Variants in UNC80 observed in about 807,000 individuals in gnomAD.
The protein encoded by UNC80 is protein unc-80 homolog.
Under a neutral mutation model 384.6 loss-of-function variants are expected in UNC80, and 164 were observed. The ratio of observed to expected loss-of-function variants is 0.43; its 90% CI spans 0.38 to 0.49. The LOEUF (loss-of-function observed/expected upper bound fraction) is 0.49, where lower values mean the gene tolerates loss of function less well. Ranked by LOEUF, UNC80 falls within the 20% of genes least tolerant of loss-of-function variation. The pLI is 0.00. For synonymous variants in UNC80, 1,486 were observed against 1,527.8 expected (o/e 0.97, Z 0.64); for missense variants, 3,330 against 4,143.0 (o/e 0.80, Z 5.39).
chr2:209,830,703 G>A (rs145048004), intron 15 of UNC80, among the ~76,000 whole-genome samples: 3 of 152,120 alleles, frequency 2.0e-5, no homozygotes, highest in African/African-American at 7.2e-5. Flanking sequence ...CCTCTGGCAC[G>A]GGCACAGGAT....
chr2:209,932,103 C>G (rs183545851), intron 38 of UNC80, among the ~76,000 whole-genome samples: 142 of 152,258 alleles, frequency 9.3e-4, no homozygotes, highest in African/African-American at 3.4e-3. Flanking sequence ...GGCACAAACT[C>G]AAGCCCATGG....
chr2:209,891,611 AT>A (rs1052738982), intron 26 of UNC80, among the ~76,000 whole-genome samples: 4 of 152,130 alleles, frequency 2.6e-5, no homozygotes, highest in Non-Finnish European at 4.4e-5. Flanking sequence ...ATTTATGTAA[AT>A]TGGCTTTAAT....
intron 4 of UNC80, among the ~76,000 whole-genome samples, chr2:209,780,179 C>G (rs935663949): frequency 6.6e-5 from 10 of 152,250 alleles, no homozygotes; most frequent in African/African-American, 2.2e-4. Context: ...AGTGACTACT[C>G]AAATAATTCG....
rs1318053245 is a variant in UNC80, at chr2:209,998,647, G to GT, written c.*3052_*3053insT. On this transcript the variant is annotated 3_prime_UTR_variant, in exon 65 of 65. Coordinates refer to ENST00000673920, the MANE Select transcript of UNC80 (RefSeq NM_001371986.1). ...CCAGCTCTGAGAGTATCTGAGATGA[G>GT]AATAGGATGTGTGTGGAGGGGCTTT... 3.3e-5 allele frequency: 5 copies of GT among 152,358 alleles called. No individual in the cohort carries two copies. The highest frequency in any genetic ancestry group is 1.2e-4 in the African/African-American group (5 of 41,568). 9.4% of individuals were successfully genotyped at this position (152,358 alleles called of 1,614,324 possible).
At chr2:209,905,664 A>G (rs2088101780) in intron 29 of UNC80, among the ~76,000 whole-genome samples, 1 of 152,236 alleles carries the variant, frequency 6.6e-6, no homozygotes, top group South Asian at 2.1e-4. Flanking sequence ...GCAACAGGAA[A>G]CTAATACAAC....
At chr2:209,836,088 C>A (rs903809814) in intron 18 of UNC80, among the ~76,000 whole-genome samples, 14 of 151,344 alleles carry the variant, frequency 9.3e-5, no homozygotes, top group African/African-American at 3.4e-4. Context: ...ATCTATATTT[C>A]ATGAATGAAT....
intron 22 of UNC80, among the ~76,000 whole-genome samples, chr2:209,851,653 G>A (rs990909687): frequency 6.6e-6 from 1 of 151,982 alleles, no homozygotes; most frequent in African/African-American, 2.4e-5. Context: ...TTTGTATAGT[G>A]ATTTTTTTTC....
intron 35 of UNC80, among the ~76,000 whole-genome samples, chr2:209,924,319 G>A (rs1160619243): frequency 6.6e-6 from 1 of 152,102 alleles, no homozygotes; most frequent in Admixed American, 6.5e-5. Context: ...TGACTAATTT[G>A]TAAAGTCCAT....
intron 42 of UNC80, 42 bp downstream of exon 42, chr2:209,937,672 T>A (rs1409071007): frequency 1.3e-5 from 18 of 1,429,134 alleles, no homozygotes; most frequent in South Asian, 1.1e-4. Flanking sequence ...TTTGTCATGT[T>A]GTTGGAGTAG....
intron 44 of UNC80, among the ~76,000 whole-genome samples, chr2:209,941,784 T>C (rs553206178): frequency 6.6e-6 from 1 of 152,264 alleles, no homozygotes; most frequent in South Asian, 2.1e-4. Flanking sequence ...GTTGGAAATG[T>C]ACATTCTGGT....
intron 25 of UNC80, among the ~76,000 whole-genome samples, chr2:209,885,884 C>T (rs1320004376): frequency 2.0e-5 from 3 of 151,780 alleles, no homozygotes; most frequent in Non-Finnish European, 4.4e-5. Flanking sequence ...CCTGCCTCAA[C>T]CTCCTGCATA....
chr2:209,864,895 T>TA (rs748477013), intron 22 of UNC80, among the ~76,000 whole-genome samples: 2 of 152,094 alleles, frequency 1.3e-5, no homozygotes, highest in Non-Finnish European at 2.9e-5. Context: ...GGGAGTTCAG[T>TA]AGGCTTAAGC....
intron 18 of UNC80, 130 bp downstream of exon 18, chr2:209,835,140 A>G: frequency 1.5e-6 from 1 of 668,810 alleles, no homozygotes; most frequent in Non-Finnish European, 2.5e-6. Context: ...TACCCTTTAC[A>G]TTTCATTCCC....
intron 42 of UNC80, among the ~76,000 whole-genome samples, chr2:209,938,617 C>A (rs1041251774): frequency 7.2e-5 from 11 of 151,852 alleles, no homozygotes; most frequent in Admixed American, 5.3e-4. Context: ...TACCCCAGCC[C>A]ATGATTTTGG....
chr2:209,845,560 A>T (rs2082110211), intron 21 of UNC80, among the ~76,000 whole-genome samples: 1 of 152,216 alleles, frequency 6.6e-6, no homozygotes, highest in South Asian at 2.1e-4. Context: ...TCTGATATGG[A>T]ATATTCATAG....
chr2:209,928,284 C>T (rs566135584), intron 36 of UNC80, among the ~76,000 whole-genome samples: 10 of 152,098 alleles, frequency 6.6e-5, no homozygotes, highest in Non-Finnish European at 1.2e-4. Context: ...TGCAGTGAGC[C>T]GAAACCGCAC....
At chr2:209,965,610 A>G (rs1191225480) in intron 51 of UNC80, among the ~76,000 whole-genome samples, 1 of 151,788 alleles carries the variant, frequency 6.6e-6, no homozygotes, top group Non-Finnish European at 1.5e-5. Context: ...TTTGGTAGAG[A>G]CAGGGTTTCA....
At chr2:209,912,964 G>A (rs578224470) in intron 30 of UNC80, among the ~76,000 whole-genome samples, 4 of 152,298 alleles carry the variant, frequency 2.6e-5, no homozygotes, top group Non-Finnish European at 4.4e-5. Context: ...TGACACTTAC[G>A]GGTTTTGGAA....
chr2:209,965,334 G>T (rs1559407034), intron 51 of UNC80, among the ~76,000 whole-genome samples: 1 of 152,128 alleles, frequency 6.6e-6, no homozygotes, highest in Non-Finnish European at 1.5e-5. Context: ...CTACTTGGAA[G>T]GCTGAGGTTG....
Sources: gnomAD v4.1 joint callset for allele counts (sites outside exome capture counted in the v4.1 genomes callset) on GRCh38, gnomAD v4.1.1 for gene constraint, MANE v1.5 for transcripts, NCBI Gene and HGNC (gene_info 2026-07-23, HGNC 2026-07-21) for gene names.